The following ITGAV variants were observed in gnomAD, a reference collection of about 807,000 sequenced individuals.
The protein encoded by ITGAV is integrin alpha-V.
Under a neutral mutation model 143.8 loss-of-function variants are expected in ITGAV, and 76 were observed. The ratio of observed to expected loss-of-function variants is 0.53; its 90% CI spans 0.44 to 0.64. The LOEUF is 0.64. Ranked by LOEUF, ITGAV falls within the 30% of genes least tolerant of loss-of-function variation. The probability of loss-of-function intolerance (pLI) is 0.00; values close to 1 mark genes in which losing one functional copy is unlikely to be tolerated. For missense variants in ITGAV, 1,193 were observed against 1,274.7 expected (o/e 0.94, Z 0.98); for synonymous variants, 453 against 446.7 (o/e 1.01, Z -0.18).
chr2:186,596,281 G>C (rs762222556), intron 1 of ITGAV, among the ~76,000 whole-genome samples: 4 of 152,150 alleles, frequency 2.6e-5, no homozygotes, highest in Non-Finnish European at 4.4e-5. Flanking sequence ...ATTCCAAACT[G>C]TTTCCATTAG....
intron 1 of ITGAV, among the ~76,000 whole-genome samples, chr2:186,597,024 C>T (rs1686766273): frequency 6.6e-6 from 1 of 152,160 alleles, no homozygotes; most frequent in Non-Finnish European, 1.5e-5. Context: ...CAAGTCTGCA[C>T]ATGAAGGTAT....
At chr2:186,652,400 G>C (rs1364926294) in intron 15 of ITGAV, among the ~76,000 whole-genome samples, 1 of 152,008 alleles carries the variant, frequency 6.6e-6, no homozygotes, top group Non-Finnish European at 1.5e-5. Context: ...ATATTGCTCA[G>C]GTTGGTCTCG....
intron 2 of ITGAV, among the ~76,000 whole-genome samples, chr2:186,620,703 C>A (rs1008179382): frequency 6.1e-4 from 93 of 152,270 alleles, no homozygotes; most frequent in Non-Finnish European, 1.2e-3. Flanking sequence ...GTTGAGGCCA[C>A]AGTGAGCTGT....
At chr2:186,599,478 T>A (rs1686837377) in intron 1 of ITGAV, among the ~76,000 whole-genome samples, 1 of 152,212 alleles carries the variant, frequency 6.6e-6, no homozygotes, top group South Asian at 2.1e-4. Flanking sequence ...GGTTTTTCTG[T>A]AAATACTAAT....
chr2:186,600,514 A>T (rs1056952315), intron 1 of ITGAV: 43 of 1,209,248 alleles, frequency 3.6e-5, no homozygotes, highest in Non-Finnish European at 4.8e-5. Flanking sequence ...ATCCTTAGAG[A>T]TAACTGCTCT....
rs200501166 is a variant in ITGAV at position 186,602,194 on chromosome 2, AT to A, written c.316+53del. ...ATTTTCTTTTCATTGATTTCATTTG[AT>A]TTTTTTTTTGCAATTGGTTTAGTTT... On this transcript the variant is annotated intron_variant, in intron 2 of 29. Transcript: ENST00000261023. 5.6e-3 allele frequency: 7,826 copies of A among 1,406,044 alleles called. 1 individual carries two copies. The highest frequency in any genetic ancestry group is 0.011 in the South Asian group (840 of 73,466). The allele number at this position is 1,406,044 out of a possible 1,614,324, so 87.1% of individuals were successfully genotyped here.
In ITGAV at chr2:186,678,584, A is replaced by G. The variant is rs1378599897; in HGVS notation, c.*1292A>G. 1 of 321,376 alleles carries G rather than the reference A, an allele frequency of 3.1e-6. No homozygotes were observed. The highest frequency in any genetic ancestry group is 6.0e-6 in the Non-Finnish European group (1 of 165,858). The allele number at this position is 321,376 out of a possible 1,614,324, so 19.9% of individuals were successfully genotyped here. The stretch of plus-strand genomic sequence containing the variant: ...AACCTTTCTGAAGTTCGTTAGTATA[A>G]ATTACTTTTCTAGGATTATTAATAA... On this transcript the variant is annotated 3_prime_UTR_variant, in exon 30 of 30. Coordinates refer to ENST00000261023, the MANE Select transcript of ITGAV (RefSeq NM_002210.5).
chr2:186,666,653 T>G, intron 21 of ITGAV, 51 bp from the exon 22 acceptor site: 1 of 1,039,418 alleles, frequency 9.6e-7, no homozygotes, highest in Non-Finnish European at 1.4e-6. Context: ...GATTTGAAAT[T>G]TTGCTAATTA....
intron 6 of ITGAV, 74 bp from the exon 7 acceptor site, chr2:186,636,008 A>G (rs1687936714): frequency 2.4e-6 from 3 of 1,253,514 alleles, no homozygotes; most frequent in Non-Finnish European, 2.3e-6. Context: ...TCCTTCATGC[A>G]GGTACCATAC....
At chr2:186,663,446 G>C (rs1688802999) in intron 18 of ITGAV, among the ~76,000 whole-genome samples, 1 of 152,056 alleles carries the variant, frequency 6.6e-6, no homozygotes, top group Non-Finnish European at 1.5e-5. Flanking sequence ...TCATTTCTTG[G>C]CTATTACTTT....
At chr2:186,654,621 AT>A in intron 15 of ITGAV, 28 bp from the exon 16 acceptor site, 1 of 1,209,274 alleles carries the variant, frequency 8.3e-7, no homozygotes, top group Non-Finnish European at 1.2e-6. Flanking sequence ...GAATTATAGA[AT>A]TTATGTATGT....
chr2:186,610,336 G>T (rs1687182264), intron 2 of ITGAV, among the ~76,000 whole-genome samples: 1 of 152,034 alleles, frequency 6.6e-6, no homozygotes, highest in African/African-American at 2.4e-5. Flanking sequence ...CCAAAATTTA[G>T]ATTTGCAAAA....
chr2:186,596,260 T>C (rs931457895), intron 1 of ITGAV, among the ~76,000 whole-genome samples: 8 of 152,214 alleles, frequency 5.3e-5, no homozygotes, highest in African/African-American at 1.9e-4. Context: ...TTGCAGTGTT[T>C]GTAAATTTTA....
chr2:186,680,286 G>T lies in ITGAV; in HGVS notation c.*2994G>T, dbSNP rs1455432104. 6.6e-6 allele frequency: 1 copy of T among 152,384 alleles called. No individual in the cohort carries two copies. Among genetic ancestry groups the T allele is most frequent in the African/African-American group, 2.4e-5 (1 of 41,452 alleles). 9.4% of individuals were successfully genotyped at this position (152,384 alleles called of 1,614,324 possible). A position where few individuals can be genotyped will look rare whatever the true frequency, so the allele number is the denominator to read the frequency against. On this transcript the variant is annotated 3_prime_UTR_variant, in exon 30 of 30. Transcript: ENST00000261023. ...AATGATTGTAGGATCAAAAAAGGCA[G>T]ATGAAATTACTTAATACTCAGTGTT...
Position 186,666,704 on chromosome 2 carries a change from C to A in ITGAV, c.2167C>A (p.Leu723Ile). The part of the protein sequence containing the change: ...LGNPMKAGTQ[L>I]LAGLRFSVHQ... ...TACTATCTTTTCCTCTCTCCTTTAG[C>A]TCTTAGCTGGTCTTCGTTTCAGTGT... The change falls in exon 22 of 30, where the codon CTC becomes ATC. Residue 723 changes from leucine to isoleucine, a missense_variant and splice_region_variant. Physicochemically the swap from Leu to Ile is conservative, Grantham distance 5. Coordinates refer to ENST00000261023, the MANE Select transcript of ITGAV (RefSeq NM_002210.5). The A allele has an allele frequency of 6.5e-7, 1 of 1,546,042 alleles. No homozygotes were observed. Among genetic ancestry groups the A allele is most frequent in the South Asian group, 1.3e-5 (1 of 78,198 alleles).
intron 1 of ITGAV, among the ~76,000 whole-genome samples, chr2:186,593,711 G>T (rs1686674298): frequency 6.6e-6 from 1 of 152,088 alleles, no homozygotes; most frequent in South Asian, 2.1e-4. Flanking sequence ...AGGGGAAGCA[G>T]ATATACTCAT....
rs915643249 is a variant in ITGAV, at chr2:186,640,843, T to TA, written c.904-71dup. 3.1e-4 allele frequency: 377 copies of TA among 1,203,430 alleles called. No individual in the cohort carries two copies. In the African/African-American group the frequency reaches 5.3e-3, roughly 17 times the overall value. The allele number at this position is 1,203,430 out of a possible 1,614,324, so 74.5% of individuals were successfully genotyped here. On this transcript the variant is annotated intron_variant, in intron 10 of 29. Transcript: ENST00000261023. The stretch of plus-strand genomic sequence containing the variant: ...AAAAAAAATAACCCTATTTGGTACA[T>TA]ATATTACAAATGTTAATTGTCTAAA...
At chr2:186,615,176 G>A (rs1358205830) in intron 2 of ITGAV, among the ~76,000 whole-genome samples, 1 of 151,914 alleles carries the variant, frequency 6.6e-6, no homozygotes, top group Non-Finnish European at 1.5e-5. Flanking sequence ...AGTATTCAAC[G>A]GAATGAATAA....
intron 15 of ITGAV, among the ~76,000 whole-genome samples, chr2:186,652,416 C>G (rs760441068): frequency 6.6e-6 from 1 of 152,026 alleles, no homozygotes; most frequent in Admixed American, 6.6e-5. Context: ...TCTCGAAGAC[C>G]GCTGTGCTCA....
Sources: gnomAD v4.1 joint callset for allele counts (sites outside exome capture counted in the v4.1 genomes callset) on GRCh38, gnomAD v4.1.1 for gene constraint, MANE v1.5 for transcripts, NCBI Gene and HGNC (gene_info 2026-07-23, HGNC 2026-07-21) for gene names.